The following URGCP variants were observed in gnomAD, a reference collection of about 807,000 sequenced individuals.
The protein encoded by URGCP is upregulator of cell proliferation.
Under a neutral mutation model 24.6 loss-of-function variants are expected in URGCP, and 13 were observed. That is an observed-to-expected ratio of 0.53 (90% CI 0.34 to 0.84). The LOEUF is 0.84. Among genes scored for constraint, URGCP ranks in the 40% least tolerant of loss-of-function variants. The pLI is 0.01. For missense variants in URGCP, 899 were observed against 1,194.3 expected (o/e 0.75, Z 3.64); for synonymous variants, 444 against 487.2 (o/e 0.91, Z 1.17).
In URGCP at chr7:43,878,922, C is replaced by T. The variant is rs1278075154; in HGVS notation, c.541G>A (p.Val181Met). The T allele has an allele frequency of 3.1e-6, 5 of 1,614,112 alleles. No individual in the cohort carries two copies. Among genetic ancestry groups the T allele is most frequent in the Non-Finnish European group, 3.4e-6 (4 of 1,180,046 alleles). Residue 181 changes from valine (V) to methionine (M), a missense_variant, in exon 6 of 6, where the codon GTG becomes ATG. Physicochemically the swap from Val to Met is conservative, Grantham distance 21. Transcript: ENST00000453200. This position sits in a 1 kb window ranked among gnomAD's most constrained non-coding sequence, Gnocchi z 5.6. ...FSELPTPDTP[V>M]NPLDLLCALL... ...GCACAGAGAAGGTCTAAGGGGTTCA[C>T]TGGCGTATCAGGGGTGGGCAGCTCA...
intron 1 of URGCP, among the ~76,000 whole-genome samples, chr7:43,902,257 C>T (rs532827365): frequency 2.6e-5 from 4 of 152,140 alleles, no homozygotes; most frequent in African/African-American, 9.7e-5. Flanking sequence ...AGAGGAACAA[C>T]TGGCCTTGGG....
In URGCP at chr7:43,876,568, G is replaced by A; in HGVS notation, c.*99C>T. On this transcript the variant is annotated 3_prime_UTR_variant, in exon 6 of 6. Coordinates refer to ENST00000453200, the MANE Select transcript of URGCP (RefSeq NM_001077663.3). ...GTCTTCTCATGTCGATTGGGCACCAGCCATTCTCAGGCACCAGAGCACAGC... is the reference window on the plus strand; with the variant it reads ...GTCTTCTCATGTCGATTGGGCACCAACCATTCTCAGGCACCAGAGCACAGC... 5 of 1,323,604 alleles carry A rather than the reference G, an allele frequency of 3.8e-6. No homozygotes were observed. In the South Asian group the frequency reaches 6.9e-5, roughly 18 times the overall value. The allele number at this position is 1,323,604 out of a possible 1,614,324, so 82.0% of individuals were successfully genotyped here.
intron 1 of URGCP, among the ~76,000 whole-genome samples, chr7:43,922,087 G>A (rs533836661): frequency 2.6e-4 from 39 of 151,896 alleles, no homozygotes; most frequent in Non-Finnish European, 5.1e-4. Flanking sequence ...TTGTTTGAGA[G>A]TGGGTCTCGC....
rs371192570 is a variant in URGCP, at chr7:43,896,787, G to A, written c.15-8971C>T. On this transcript the variant is annotated intron_variant, in intron 1 of 5. Coordinates refer to ENST00000453200, the MANE Select transcript of URGCP (RefSeq NM_001077663.3). ...GAGGCTGATCATCCCTGACACACAT[G>A]CCTCAGATGTGCTACAAGGATCCAA... Among the ~76,000 whole-genome samples the A allele has an allele frequency of 1.1e-4, 16 of 152,288 alleles. No individual in the cohort carries two copies. In the East Asian group the frequency reaches 2.7e-3, roughly 26 times the overall value.
chr7:43,912,851 AT>A (rs556790949), intron 1 of URGCP, among the ~76,000 whole-genome samples: 11,551 of 146,732 alleles, frequency 0.079, 452 homozygotes, highest in Non-Finnish European at 0.088. Context: ...TTCTCCTTCA[AT>A]TTTTTTTTTT....
chr7:43,883,337 CATATATATATATATATATATAT>C (rs1215710880), intron 3 of URGCP, among the ~76,000 whole-genome samples: 1 of 105,478 alleles, frequency 9.5e-6, no homozygotes, highest in Non-Finnish European at 1.8e-5. Flanking sequence ...TATATATATA[CATATATATATATATATATATAT>C]ATATTTTTTT....
chr7:43,917,657 G>T (rs754784861), intron 1 of URGCP, among the ~76,000 whole-genome samples: 3 of 152,156 alleles, frequency 2.0e-5, no homozygotes, highest in African/African-American at 7.2e-5. Context: ...CTGAACACCT[G>T]GGAGGTTACC....
chr7:43,894,613 G>GT (rs1459015124), intron 1 of URGCP, among the ~76,000 whole-genome samples: 5 of 152,160 alleles, frequency 3.3e-5, no homozygotes, highest in African/African-American at 1.2e-4. Flanking sequence ...ACCTGTCTCG[G>GT]TCTCCCAAAG....
chr7:43,896,267 C>T (rs759981613), intron 1 of URGCP, among the ~76,000 whole-genome samples: 4 of 152,042 alleles, frequency 2.6e-5, no homozygotes, highest in East Asian at 3.9e-4. Context: ...ACCAGCCTGA[C>T]CAACGTGGTG....
intron 3 of URGCP, among the ~76,000 whole-genome samples, chr7:43,886,115 A>T (rs1341201479): frequency 4.6e-5 from 7 of 152,206 alleles, no homozygotes; most frequent in Non-Finnish European, 1.0e-4. Context: ...ATGTTAGTGC[A>T]TGGTAAGTAC....
rs201075158 is a variant in URGCP, at chr7:43,879,051, C to T, written c.412G>A (p.Val138Met). ...DARNTTMVLD[V>M]LPDARPVEKE... Reference sequence around the variant, plus strand: ...TCCACAGGCCTGGCGTCTGGGAGCACGTCCAGCACCATAGTGGTATTCCTG... The same window carrying T: ...TCCACAGGCCTGGCGTCTGGGAGCATGTCCAGCACCATAGTGGTATTCCTG... The change falls in exon 6 of 6, where the codon GTG (valine) becomes ATG (methionine). Residue 138 changes from valine to methionine, a missense_variant. Coordinates refer to ENST00000453200, the MANE Select transcript of URGCP (RefSeq NM_001077663.3). 45 of 1,614,200 alleles carry T rather than the reference C, an allele frequency of 2.8e-5. No individual in the cohort carries two copies. The highest frequency in any genetic ancestry group is 3.2e-5 in the Non-Finnish European group (38 of 1,180,036).
intron 1 of URGCP, chr7:43,918,618 T>C: frequency 1.8e-6 from 1 of 550,646 alleles, no homozygotes; most frequent in South Asian, 2.1e-5. Context: ...CTCAGCTTAA[T>C]TAAAAGTGGA....
Position 43,918,635 on chromosome 7 carries a change from G to T in URGCP, c.-116+7497C>A, listed in dbSNP as rs971872466. On this transcript the variant is annotated intron_variant, in intron 1 of 5. Coordinates refer to the URGCP transcript ENST00000426198. ...CAGCTTAATTAAAAGTGGATATCTG[G>T]GGGGCTGGCACGCGGCAGCGTTGCG... 4 of 585,468 alleles carry T rather than the reference G, an allele frequency of 6.8e-6. No individual in the cohort carries two copies. The African/African-American group carries it at 7.5e-5, about 11-fold the overall frequency. 36.3% of individuals were successfully genotyped at this position (585,468 alleles called of 1,614,324 possible).
At chr7:43,906,642 G>A, upstream of URGCP, 3 of 1,159,440 alleles carry the variant, frequency 2.6e-6, no homozygotes, top group Non-Finnish European at 3.2e-6. Flanking sequence ...CGGCGCCGGG[G>A]AGGGGCCTGG....
upstream of URGCP, chr7:43,926,423 G>C: frequency 9.9e-7 from 1 of 1,006,934 alleles, no homozygotes; most frequent in Non-Finnish European, 1.3e-6. Context: ...CCCCGCGCGC[G>C]CAAGCGCAGG....
chr7:43,897,652 G>A (rs1322120120), intron 1 of URGCP, among the ~76,000 whole-genome samples: 1 of 152,150 alleles, frequency 6.6e-6, no homozygotes, highest in Non-Finnish European at 1.5e-5. Context: ...AGAGGATGGG[G>A]TAGCCATGAA....
intron 5 of URGCP, 124 bp downstream of exon 5, chr7:43,881,535 G>C: frequency 9.2e-7 from 1 of 1,089,928 alleles, no homozygotes; most frequent in Non-Finnish European, 1.3e-6. Context: ...TAATGAAGTA[G>C]GGCATCCTAA....
chr7:43,919,827 A>G lies in URGCP; in HGVS notation c.-116+6305T>C, dbSNP rs1032420730. On this transcript the variant is annotated intron_variant, in intron 1 of 5. Transcript: ENST00000426198. Reference sequence around the variant, plus strand: ...CTTGGCCCACCGGGTCAGTGGGCGCATGATGGCCAACCACACCAGCATCTC... The same window carrying G: ...CTTGGCCCACCGGGTCAGTGGGCGCGTGATGGCCAACCACACCAGCATCTC... 22 of 1,269,950 alleles carry G rather than the reference A, an allele frequency of 1.7e-5. No homozygotes were observed. In the African/African-American group the frequency reaches 3.1e-4, roughly 18 times the overall value. The allele number at this position is 1,269,950 out of a possible 1,614,324, so 78.7% of individuals were successfully genotyped here.
chr7:43,916,757 T>C lies in URGCP; in HGVS notation c.-116+9375A>G, dbSNP rs566725060. ...TGGGTGAAAGCCACTTTGACACCCA[T>C]GGGAGGCATCCTGTCATGGTTGCCG... On this transcript the variant is annotated intron_variant, in intron 1 of 5. Transcript: ENST00000426198. 2.2e-3 allele frequency among the ~76,000 whole-genome samples: 237 copies of C among 106,548 alleles called. 2 individuals are homozygous for C. Among genetic ancestry groups the C allele is most frequent in the Non-Finnish European group, 3.3e-3 (195 of 58,558 alleles). The allele number at this position is 106,548 out of a possible 152,430, so 69.9% of individuals were successfully genotyped here. A position where few individuals can be genotyped will look rare whatever the true frequency, so the allele number is the denominator to read the frequency against.
Sources: gnomAD v4.1 joint callset for allele counts (sites outside exome capture counted in the v4.1 genomes callset) on GRCh38, gnomAD v4.1.1 for gene constraint, Gnocchi (gnomAD v3.1) non-coding constraint, MANE v1.5 for transcripts, NCBI Gene and HGNC (gene_info 2026-07-23, HGNC 2026-07-21) for gene names.